Variants in BMP4 observed in about 807,000 individuals in gnomAD.
The protein encoded by BMP4 is bone morphogenetic protein 2B.
In BMP4, 3 loss-of-function variants were observed where a neutral mutation model predicts 29.6. The ratio of observed to expected loss-of-function variants is 0.10; its 90% CI spans 0.05 to 0.26. The LOEUF (loss-of-function observed/expected upper bound fraction) is 0.26, where lower values mean the gene tolerates loss of function less well. Ranked by LOEUF, BMP4 falls within the 10% of genes least tolerant of loss-of-function variation. BMP4 has a pLI of 1.00. For synonymous variants in BMP4, 197 were observed against 213.2 expected, an observed-to-expected ratio of 0.92 and a Z score of 0.66; for missense variants, 455 against 550.2, an observed-to-expected ratio of 0.83 and a Z score of 1.73.
chr14:53,951,036 C>G (rs971296827), intron 3 of BMP4, 148 bp from the exon 4 acceptor site: 1 of 1,131,444 alleles, frequency 8.8e-7, no homozygotes, highest in East Asian at 2.5e-5. Flanking sequence ...TAAGCATACC[C>G]CTTAATTTGA....
rs765639993 is a variant in BMP4, at chr14:53,952,050, T to C, written c.173A>G (p.Glu58Gly). The change falls in exon 3 of 4, where the codon GAG becomes GGG. Residue 58 changes from glutamate to glycine, a missense_variant. Coordinates refer to ENST00000245451, the MANE Select transcript of BMP4 (RefSeq NM_001202.6). ...GQSHELLRDF[E>G]ATLLQMFGLR... Reference sequence around the variant, plus strand: ...CCCAAACATCTGCAGAAGTGTCGCCTCGAAGTCCCGCAGGAGCTCATGGCT... The same window carrying C: ...CCCAAACATCTGCAGAAGTGTCGCCCCGAAGTCCCGCAGGAGCTCATGGCT... 1.9e-6 allele frequency: 3 copies of C among 1,614,154 alleles called. No homozygotes were observed. The highest frequency in any genetic ancestry group is 2.5e-6 in the Non-Finnish European group (3 of 1,180,036).
Position 53,955,855 on chromosome 14 carries a change from G to A in BMP4, c.-133+695C>T, listed in dbSNP as rs1197045662. 2 of 152,248 alleles carry A rather than the reference G, an allele frequency of 1.3e-5. No homozygotes were observed. The highest frequency in any genetic ancestry group is 4.8e-5 in the African/African-American group (2 of 41,444). The allele number at this position is 152,248 out of a possible 1,614,324, so 9.4% of individuals were successfully genotyped here. A position where few individuals can be genotyped will look rare whatever the true frequency, so the allele number is the denominator to read the frequency against. ...CACCGCAGGAACAAGCGTCCTGGGAGCCCCTGGGATCTTGGCTGTCGTCTC... is the reference window on the plus strand; with the variant it reads ...CACCGCAGGAACAAGCGTCCTGGGAACCCCTGGGATCTTGGCTGTCGTCTC... On this transcript the variant is annotated intron_variant, in intron 1 of 3. Transcript: ENST00000245451. This position sits in a 1 kb window ranked among gnomAD's most constrained non-coding sequence, Gnocchi z 4.0.
chr14:53,950,477 C>T lies in BMP4; in HGVS notation c.782G>A (p.Gly261Glu). Residue 261 changes from glycine (G) to glutamate (E), a missense_variant, in exon 4 of 4, where the codon GGG becomes GAG. Physicochemically the swap from Gly to Glu is moderately conservative, Grantham distance 98. Coordinates refer to ENST00000245451, the MANE Select transcript of BMP4 (RefSeq NM_001202.6). This position sits in a 1 kb window ranked among gnomAD's most constrained non-coding sequence, Gnocchi z 5.4. ...HVRISRSLPQ[G>E]SGNWAQLRPL... is the part of the protein sequence containing the mutation. ...CCGGAGCTGGGCCCAATTCCCACTC[C>T]CTTGAGGTAACGATCGGCTAATCCT... The T allele has an allele frequency of 1.2e-6, 2 of 1,614,104 alleles. No homozygotes were observed. The highest frequency in any genetic ancestry group is 8.5e-7 in the Non-Finnish European group (1 of 1,180,042).
In BMP4 at chr14:53,955,138, T is replaced by G. The variant is rs546424334; in HGVS notation, c.-133+1412A>C. 4.1e-4 allele frequency among the ~76,000 whole-genome samples: 62 copies of G among 152,190 alleles called. No homozygotes were observed. The highest frequency in any genetic ancestry group is 1.6e-3 in the Admixed American group (24 of 15,306). Reference sequence around the variant, plus strand: ...CCGCTGGGGCGGGCTGCGAAAGGGTTGGGAAGAGCAAAGGGTTTTTTTGTT... The same window carrying G: ...CCGCTGGGGCGGGCTGCGAAAGGGTGGGGAAGAGCAAAGGGTTTTTTTGTT... On this transcript the variant is annotated intron_variant, in intron 1 of 3. Coordinates refer to ENST00000245451, the MANE Select transcript of BMP4 (RefSeq NM_001202.6). The surrounding 1 kb of genome is among the most constrained non-coding windows in gnomAD (Gnocchi z 4.0).
intron 2 of BMP4, 48 bp downstream of exon 2, chr14:53,953,228 A>G: frequency 2.5e-6 from 1 of 395,144 alleles, no homozygotes; most frequent in Non-Finnish European, 4.5e-6. Context: ...AGGGGTGGTG[A>G]GGGCAGAGTG....
In BMP4 at chr14:53,950,346, T is replaced by C. The variant is rs1255053325; in HGVS notation, c.913A>G (p.Asn305Asp). ...AGCGAGTGGCGCCGGCAGTTCTTAT[T>C]CTTCTTCCTGGCCCGCTGTGAGTGA... ...KHHSQRARKK[N>D]KNCRRHSLYV... The change falls in exon 4 of 4, where the codon AAT (asparagine) becomes GAT (aspartate). Residue 305 changes from asparagine (N) to aspartate (D), a missense_variant. By Grantham distance (23) the Asn-to-Asp change is conservative. Around this residue, in one of 4 missense-constraint regions of BMP4, gnomAD observed 154 missense variants for 156.8 expected, o/e 0.98. Transcript: ENST00000245451. This position sits in a 1 kb window ranked among gnomAD's most constrained non-coding sequence, Gnocchi z 5.4. 10 of 1,614,144 alleles carry C rather than the reference T, an allele frequency of 6.2e-6. No homozygotes were observed.
Position 53,950,333 on chromosome 14 carries a change from C to T in BMP4, c.926G>A (p.Arg309Gln), listed in dbSNP as rs778657318. 15 of 1,614,172 alleles carry T rather than the reference C, an allele frequency of 9.3e-6. No homozygotes were observed. The highest frequency in any genetic ancestry group is 1.7e-4 in the Middle Eastern group (1 of 6,060). ...GAAGTCCACATAGAGCGAGTGGCGCCGGCAGTTCTTATTCTTCTTCCTGGC... is the reference window on the plus strand; with the variant it reads ...GAAGTCCACATAGAGCGAGTGGCGCTGGCAGTTCTTATTCTTCTTCCTGGC... The part of the protein sequence containing the change: ...QRARKKNKNC[R>Q]RHSLYVDFSD... The change falls in exon 4 of 4, where the codon CGG (arginine) becomes CAG (glutamine). Residue 309 changes from arginine (R) to glutamine (Q), a missense_variant. By Grantham distance (43) the Arg-to-Gln change is conservative. Coordinates refer to ENST00000245451, the MANE Select transcript of BMP4 (RefSeq NM_001202.6). The surrounding 1 kb of genome is among the most constrained non-coding windows in gnomAD (Gnocchi z 5.4).
chr14:53,952,274 C>T (rs1594795160), intron 2 of BMP4, 45 bp from the exon 3 acceptor site: 1 of 1,591,222 alleles, frequency 6.3e-7, no homozygotes, highest in African/African-American at 1.3e-5. Context: ...TAAATAAACA[C>T]CAATAAATAG....
In BMP4 at chr14:53,950,954, T is replaced by C; in HGVS notation, c.371-66A>G. ...TGAACTTTTTTCAAAGATGGAAGAG[T>C]CAAGAGATAGCTCAGGGTTGGGCAA... On this transcript the variant is annotated intron_variant, in intron 3 of 3. Coordinates refer to ENST00000245451, the MANE Select transcript of BMP4 (RefSeq NM_001202.6). This position sits in a 1 kb window ranked among gnomAD's most constrained non-coding sequence, Gnocchi z 5.4. The C allele has an allele frequency of 6.3e-7, 1 of 1,586,828 alleles. No homozygotes were observed. Among genetic ancestry groups the C allele is most frequent in the Non-Finnish European group, 8.5e-7 (1 of 1,170,598 alleles).
At chr14:53,952,439 CCTGTAATTA>C (rs1441552293) in intron 2 of BMP4, among the ~76,000 whole-genome samples, 1 of 151,852 alleles carries the variant, frequency 6.6e-6, no homozygotes, top group African/African-American at 2.4e-5. Context: ...TAAGAATTGC[CCTGTAATTA>C]CTTGGTCTAA....
chr14:53,953,542 C>T (rs1895564008), intron 1 of BMP4, 142 bp from the exon 2 acceptor site: 3 of 385,774 alleles, frequency 7.8e-6, no homozygotes, highest in Non-Finnish European at 1.4e-5. Flanking sequence ...TCCTCCACAG[C>T]CCCCCGCCCC....
At chr14:53,953,229 G>A (rs1238845227) in intron 2 of BMP4, 47 bp downstream of exon 2, 8 of 395,462 alleles carry the variant, frequency 2.0e-5, no homozygotes, top group East Asian at 3.6e-5. Flanking sequence ...GGGGTGGTGA[G>A]GGCAGAGTGA....
chr14:53,950,112 T>G lies in BMP4; in HGVS notation c.1147A>C (p.Met383Leu). ...CVPTELSAIS[M>L]LYLDEYDKVV... The stretch of plus-strand genomic sequence containing the variant: ...TTATCATACTCATCCAGGTACAGCA[T>G]GGAGATGGCACTCAGTTCAGTGGGC... Residue 383 changes from methionine to leucine, a missense_variant, in exon 4 of 4, where the codon ATG (methionine) becomes CTG (leucine). Met to Leu is a conservative substitution (Grantham distance 15). Around this residue, in one of 4 missense-constraint regions of BMP4, gnomAD observed 48 missense variants for 90.4 expected, o/e 0.53. Coordinates refer to ENST00000245451, the MANE Select transcript of BMP4 (RefSeq NM_001202.6). The surrounding 1 kb of genome is among the most constrained non-coding windows in gnomAD (Gnocchi z 5.4). 6.2e-7 allele frequency: 1 copy of G among 1,614,162 alleles called. No individual in the cohort carries two copies. Among genetic ancestry groups the G allele is most frequent in the Non-Finnish European group, 8.5e-7 (1 of 1,180,020 alleles).
rs1704936286 is a variant in BMP4, at chr14:53,954,998, A to T, written c.-133+1552T>A. Among the ~76,000 whole-genome samples, 1 of 152,170 alleles carries T rather than the reference A, an allele frequency of 6.6e-6. No individual in the cohort carries two copies. Among genetic ancestry groups the T allele is most frequent in the Non-Finnish European group, 1.5e-5 (1 of 68,018 alleles). ...GCTCAGCCCTCCCTCCCGACCGTGG[A>T]TGCCCGGAGTCGACCAACACCTCAG... On this transcript the variant is annotated intron_variant, in intron 1 of 3. Transcript: ENST00000245451. The surrounding 1 kb of genome is among the most constrained non-coding windows in gnomAD (Gnocchi z 4.8).
chr14:53,950,867 C>T lies in BMP4; in HGVS notation c.392G>A (p.Gly131Glu). ...ACGAAAAGCAGAGTTTTCACTGGTC[C>T]CTGGGATGTTCTCCAGATGTTCTAG... The part of the protein sequence containing the change: ...HHEEHLENIP[G>E]TSENSAFRFL... Residue 131 changes from glycine to glutamate, a missense_variant, in exon 4 of 4, where the codon GGG (glycine) becomes GAG (glutamate). Gly to Glu is a moderately conservative substitution (Grantham distance 98). Coordinates refer to ENST00000245451, the MANE Select transcript of BMP4 (RefSeq NM_001202.6). The surrounding 1 kb of genome is among the most constrained non-coding windows in gnomAD (Gnocchi z 5.4). 1 of 1,603,756 alleles carries T rather than the reference C, an allele frequency of 6.2e-7. No homozygotes were observed. Among genetic ancestry groups the T allele is most frequent in the Non-Finnish European group, 8.5e-7 (1 of 1,179,970 alleles).
At chr14:53,952,398 C>A (rs1895490643) in intron 2 of BMP4, among the ~76,000 whole-genome samples, 169 bp from the exon 3 acceptor site, 1 of 151,780 alleles carries the variant, frequency 6.6e-6, no homozygotes, top group Non-Finnish European at 1.5e-5. Context: ...ACCCGCCCAC[C>A]CACCAGCTGC....
chr14:53,956,797 CCCT>C lies in BMP4; in HGVS notation c.-383_-381del. The C allele has an allele frequency of 2.5e-6, 1 of 399,444 alleles. No homozygotes were observed. Among genetic ancestry groups the C allele is most frequent in the East Asian group, 3.6e-5 (1 of 28,090 alleles). The allele number at this position is 399,444 out of a possible 1,614,324, so 24.7% of individuals were successfully genotyped here. A position where few individuals can be genotyped will look rare whatever the true frequency, so the allele number is the denominator to read the frequency against. ...CGGGCTCCGCGCTCCTTCCCTCCCT[CCCT>C]CCTCCTCTGCCTTCTCGCATCTTCC... On this transcript the variant is annotated 5_prime_UTR_variant, in exon 1 of 4. Coordinates refer to ENST00000245451, the MANE Select transcript of BMP4 (RefSeq NM_001202.6).
At position 53,956,562 on chromosome 14, in the gene BMP4, C is replaced by A. The variant is rs1418063860; in HGVS notation, c.-145G>T. The A allele has an allele frequency of 2.5e-6, 1 of 399,232 alleles. No homozygotes were observed. The highest frequency in any genetic ancestry group is 4.4e-6 in the Non-Finnish European group (1 of 226,332). The allele number at this position is 399,232 out of a possible 1,614,324, so 24.7% of individuals were successfully genotyped here. A position where few individuals can be genotyped will look rare whatever the true frequency, so the allele number is the denominator to read the frequency against. On this transcript the variant is annotated 5_prime_UTR_variant, in exon 1 of 4. Transcript: ENST00000245451. The stretch of plus-strand genomic sequence containing the variant: ...TAGCCTTGCTCACCATAGGTCCCTG[C>A]AGTAGCGGGCTCGCCAGCAGCAGCT...
chr14:53,951,838 G>T lies in BMP4; in HGVS notation c.370+15C>A. The T allele has an allele frequency of 6.3e-7, 1 of 1,598,748 alleles. No homozygotes were observed. Among genetic ancestry groups the T allele is most frequent in the African/African-American group, 1.3e-5 (1 of 74,994 alleles). ...CACCAGCCCTCCCCCACGCAGACTG[G>T]GGGAAGAGACTGACCTTCGTGGTGG... On this transcript the variant is annotated intron_variant, in intron 3 of 3. Transcript: ENST00000245451.
Sources: gnomAD v4.1 joint callset for allele counts (sites outside exome capture counted in the v4.1 genomes callset) on GRCh38, gnomAD v4.1.1 for gene constraint, gnomAD v4.1.1 regional missense constraint, Gnocchi (gnomAD v3.1) non-coding constraint, MANE v1.5 for transcripts, NCBI Gene and HGNC (gene_info 2026-07-23, HGNC 2026-07-21) for gene names.